SAMM50: variants seen among roughly 807,000 people sequenced by gnomAD.
SAMM50 encodes the protein sorting and assembly machinery component 50 homolog.
SAMM50 carries 47 observed loss-of-function variants against 66.9 expected under a neutral mutation model. The observed-to-expected ratio is 0.70, with a 90% CI of 0.56 to 0.90. The LOEUF (loss-of-function observed/expected upper bound fraction) is 0.90, where lower values mean the gene tolerates loss of function less well. Among genes scored for constraint, SAMM50 ranks in the 40% least tolerant of loss-of-function variants. The probability of loss-of-function intolerance (pLI) is 0.00; values close to 1 mark genes in which losing one functional copy is unlikely to be tolerated. For synonymous variants in SAMM50, 191 were observed against 214.1 expected, an observed-to-expected ratio of 0.89 and a Z score of 0.94; for missense variants, 535 against 595.3, an observed-to-expected ratio of 0.90 and a Z score of 1.05.
chr22:43,955,890 G>A (rs980642298), intron 1 of SAMM50, among the ~76,000 whole-genome samples: 2 of 152,242 alleles, frequency 1.3e-5, no homozygotes, highest in African/African-American at 4.8e-5. Flanking sequence ...CAGTGAATGT[G>A]CTCTTTCTTT....
intron 10 of SAMM50, among the ~76,000 whole-genome samples, chr22:43,979,065 G>C (rs764714887): frequency 6.6e-6 from 1 of 152,102 alleles, no homozygotes; most frequent in Non-Finnish European, 1.5e-5. Context: ...CTGCTCGCCT[G>C]TTCTCACTTT....
intron 8 of SAMM50, 92 bp from the exon 9 acceptor site, chr22:43,976,658 G>A (rs371097675): frequency 2.8e-5 from 24 of 858,304 alleles, no homozygotes; most frequent in East Asian, 5.1e-5. Flanking sequence ...GTTGTAGAGT[G>A]CTAGCGTGGT....
intron 1 of SAMM50, chr22:43,956,949 T>C: frequency 1.7e-6 from 1 of 572,906 alleles, no homozygotes; most frequent in Non-Finnish European, 3.1e-6. Context: ...AGCAAGTAGG[T>C]CAGAGTGCAA....
Position 43,977,863 on chromosome 22 carries a change from T to C in SAMM50, c.850-9T>C, listed in dbSNP as rs367639497. 16 of 1,608,902 alleles carry C rather than the reference T, an allele frequency of 9.9e-6. No individual in the cohort carries two copies. The African/African-American group carries it at 1.9e-4, about 19-fold the overall frequency. On this transcript the variant is annotated splice_polypyrimidine_tract_variant and intron_variant, in intron 9 of 14. Coordinates refer to ENST00000350028, the MANE Select transcript of SAMM50 (RefSeq NM_015380.5). ...TGCTCCCTTTGACCTGAGTGCTCCTTCCCTGCAGGAACTGGCAGGCTACAC... is the reference window on the plus strand; with the variant it reads ...TGCTCCCTTTGACCTGAGTGCTCCTCCCCTGCAGGAACTGGCAGGCTACAC...
chr22:43,959,159 C>G (rs1219006796), intron 1 of SAMM50, among the ~76,000 whole-genome samples: 2 of 151,822 alleles, frequency 1.3e-5, no homozygotes, highest in Non-Finnish European at 2.9e-5. Context: ...GCTGGGATTA[C>G]AGACAGGTGC....
At chr22:43,991,093 C>T (rs1233555928) in intron 14 of SAMM50, among the ~76,000 whole-genome samples, 2 of 151,854 alleles carry the variant, frequency 1.3e-5, no homozygotes, top group Admixed American at 6.6e-5. Context: ...TCTCCTGCCT[C>T]AGCCTCCTGA....
chr22:43,994,728 G>C (rs1031916018), intron 14 of SAMM50, among the ~76,000 whole-genome samples: 2 of 152,192 alleles, frequency 1.3e-5, no homozygotes, highest in African/African-American at 2.4e-5. Flanking sequence ...GGGGCTGTCT[G>C]GAGGATGCCA....
intron 14 of SAMM50, among the ~76,000 whole-genome samples, chr22:43,993,045 T>G (rs769049364): frequency 2.0e-5 from 3 of 152,256 alleles, no homozygotes; most frequent in Non-Finnish European, 4.4e-5. Flanking sequence ...CCTTATTCCC[T>G]CTGCAGTTGG....
intron 3 of SAMM50, among the ~76,000 whole-genome samples, chr22:43,967,748 G>A (rs980498291): frequency 2.0e-5 from 3 of 152,086 alleles, no homozygotes; most frequent in African/African-American, 7.2e-5. Context: ...TTCACCTGCA[G>A]GGTGGAATCT....
chr22:43,966,509 C>T (rs1208150083), intron 3 of SAMM50, among the ~76,000 whole-genome samples: 1 of 152,116 alleles, frequency 6.6e-6, no homozygotes, highest in East Asian at 1.9e-4. Flanking sequence ...AGGTGCACAC[C>T]ACCACACCCA....
chr22:43,969,445 G>A (rs1332747274), intron 4 of SAMM50, among the ~76,000 whole-genome samples: 1 of 152,186 alleles, frequency 6.6e-6, no homozygotes, highest in Non-Finnish European at 1.5e-5. Context: ...CTCCTGATGG[G>A]CTTCGGTCAT....
At chr22:43,986,341 A>C (rs1220509431) in intron 12 of SAMM50, 2 of 151,838 alleles carry the variant, frequency 1.3e-5, no homozygotes, top group African/African-American at 4.8e-5. Context: ...CGCCTGGCCA[A>C]GTTTTACTTT....
chr22:43,977,996 C>A, intron 10 of SAMM50, 38 bp downstream of exon 10: 1 of 1,380,846 alleles, frequency 7.2e-7, no homozygotes, highest in Non-Finnish European at 1.0e-6. Context: ...GCACTGTCAG[C>A]CCTTACTTTG....
intron 2 of SAMM50, among the ~76,000 whole-genome samples, chr22:43,964,036 T>A (rs2050160728): frequency 6.6e-6 from 1 of 152,134 alleles, no homozygotes; most frequent in South Asian, 2.1e-4. Context: ...GCCTCCAAAG[T>A]AACTGGGACT....
At chr22:43,979,378 C>T (rs1221953537) in intron 10 of SAMM50, among the ~76,000 whole-genome samples, 1 of 152,166 alleles carries the variant, frequency 6.6e-6, no homozygotes, top group African/African-American at 2.4e-5. Flanking sequence ...CAAATCTGTA[C>T]CCACGCCTGG....
intron 10 of SAMM50, among the ~76,000 whole-genome samples, chr22:43,978,989 C>A (rs886252079): frequency 6.6e-6 from 1 of 152,248 alleles, no homozygotes; most frequent in African/African-American, 2.4e-5. Flanking sequence ...CCTGCCACCA[C>A]AGGCCTCCTT....
intron 10 of SAMM50, 84 bp downstream of exon 10, chr22:43,978,042 T>C: frequency 1.1e-6 from 1 of 905,192 alleles, no homozygotes; most frequent in Non-Finnish European, 1.8e-6. Flanking sequence ...CCTGAATATC[T>C]AAAGCACAGA....
chr22:43,970,703 T>C (rs1286623176), intron 4 of SAMM50, among the ~76,000 whole-genome samples: 6 of 152,148 alleles, frequency 3.9e-5, no homozygotes, highest in African/African-American at 1.4e-4. Flanking sequence ...CTTTGTACTT[T>C]TGTAGTTTGT....
At chr22:43,984,156 A>G (rs1254541586) in intron 12 of SAMM50, among the ~76,000 whole-genome samples, 156 bp downstream of exon 12, 1 of 152,226 alleles carries the variant, frequency 6.6e-6, no homozygotes, top group Non-Finnish European at 1.5e-5. Context: ...GCAGGTGTAG[A>G]ACATTTATTG....
Sources: allele counts gnomAD v4.1 joint callset (sites outside exome capture counted in the v4.1 genomes callset), GRCh38; gene constraint gnomAD v4.1.1; transcripts MANE v1.5; gene names NCBI Gene and HGNC (gene_info 2026-07-23, HGNC 2026-07-21).